The following CENPP variants were observed in gnomAD, a reference collection of about 807,000 sequenced individuals.
The protein encoded by CENPP is centromere protein P.
A neutral mutation model predicts 35.6 loss-of-function variants in CENPP; 24 were observed. The ratio of observed to expected loss-of-function variants is 0.67; its 90% CI spans 0.49 to 0.95. The LOEUF is 0.95. Ranked by LOEUF, CENPP falls within the 40% of genes least tolerant of loss-of-function variation. CENPP has a pLI of 0.00. For synonymous variants in CENPP, 120 were observed against 125.5 expected (o/e 0.96, Z 0.29); for missense variants, 332 against 345.3 (o/e 0.96, Z 0.31).
At chr9:92,546,487 C>T (rs567298823) in intron 5 of CENPP, among the ~76,000 whole-genome samples, 1 of 152,298 alleles carries the variant, frequency 6.6e-6, no homozygotes, top group South Asian at 2.1e-4. Flanking sequence ...CACGAACCCA[C>T]TGGGAGAAAA....
intron 1 of CENPP, among the ~76,000 whole-genome samples, chr9:92,328,514 T>G (rs998970521): frequency 6.6e-6 from 1 of 152,218 alleles, no homozygotes; most frequent in Admixed American, 6.5e-5. Context: ...ATACCCAAGT[T>G]TTTGGGTTGC....
intron 5 of CENPP, chr9:92,403,506 C>G: frequency 6.8e-7 from 1 of 1,470,186 alleles, no homozygotes; most frequent in Non-Finnish European, 9.0e-7. Context: ...TTCAGACCAT[C>G]GAAGCAATAT....
intron 5 of CENPP, among the ~76,000 whole-genome samples, chr9:92,436,184 C>T (rs1427953660): frequency 6.6e-6 from 1 of 152,126 alleles, no homozygotes; most frequent in African/African-American, 2.4e-5. Flanking sequence ...TTTTCATGTG[C>T]TTATTTGCTA....
intron 5 of CENPP, among the ~76,000 whole-genome samples, chr9:92,526,777 TAAAA>T (rs556343494): frequency 6.6e-6 from 1 of 151,996 alleles, no homozygotes; most frequent in Non-Finnish European, 1.5e-5. Flanking sequence ...ATTGAAGAAA[TAAAA>T]AAACTTTTTT....
chr9:92,348,263 A>G (rs1841351683), intron 4 of CENPP, among the ~76,000 whole-genome samples: 1 of 151,676 alleles, frequency 6.6e-6, no homozygotes, highest in Non-Finnish European at 1.5e-5. Context: ...CTGGCTGACA[A>G]AACGTGTTTT....
In CENPP at chr9:92,620,398, C is replaced by T. The variant is rs1190674949; in HGVS notation, c.*7249C>T. 6.6e-6 allele frequency: 1 copy of T among 152,288 alleles called. No individual in the cohort carries two copies. The highest frequency in any genetic ancestry group is 6.5e-5 in the Admixed American group (1 of 15,278). 9.4% of individuals were successfully genotyped at this position (152,288 alleles called of 1,614,324 possible). On this transcript the variant is annotated 3_prime_UTR_variant, in exon 8 of 8. Transcript: ENST00000375587. ...TGAAGGACAGGCACCACAATGCTCA[C>T]AACTGTCTCCTCTACAGAGCAGAAT... is the stretch of plus-strand genomic sequence containing the variant.
At chr9:92,432,344 A>G (rs1221460460) in intron 5 of CENPP, among the ~76,000 whole-genome samples, 20 of 152,080 alleles carry the variant, frequency 1.3e-4, no homozygotes, top group Admixed American at 1.2e-3. Flanking sequence ...AAAGGAAAAA[A>G]GAAAATGGTA....
At chr9:92,345,440 C>T (rs552180356) in intron 3 of CENPP, among the ~76,000 whole-genome samples, 2 of 148,274 alleles carry the variant, frequency 1.3e-5, no homozygotes, top group Non-Finnish European at 3.0e-5. Flanking sequence ...TGCGGTGAGC[C>T]GAGATCGCGC....
At chr9:92,463,479 T>G (rs866975621) in intron 5 of CENPP, among the ~76,000 whole-genome samples, 15 of 152,380 alleles carry the variant, frequency 9.8e-5, no homozygotes, top group East Asian at 3.9e-4. Context: ...ACTTTTAAGA[T>G]ACACTTTGAA....
intron 5 of CENPP, among the ~76,000 whole-genome samples, chr9:92,490,527 C>T (rs1173804915): frequency 2.6e-5 from 4 of 152,166 alleles, no homozygotes; most frequent in African/African-American, 9.7e-5. Flanking sequence ...CATTTTCTAT[C>T]CTTTTTCTAA....
At chr9:92,349,166 G>A (rs947544332) in intron 4 of CENPP, among the ~76,000 whole-genome samples, 4 of 152,018 alleles carry the variant, frequency 2.6e-5, no homozygotes, top group African/African-American at 9.7e-5. Context: ...TTGTGTTTCA[G>A]TTTGGATAAT....
At chr9:92,492,885 G>A (rs1846211815) in intron 5 of CENPP, among the ~76,000 whole-genome samples, 1 of 152,184 alleles carries the variant, frequency 6.6e-6, no homozygotes, top group Admixed American at 6.5e-5. Flanking sequence ...CAAGGAGGTT[G>A]GTGAGCTTGC....
intron 5 of CENPP, among the ~76,000 whole-genome samples, chr9:92,554,139 T>C (rs537354193): frequency 2.6e-5 from 4 of 152,322 alleles, no homozygotes; most frequent in African/African-American, 9.6e-5. Context: ...TTTTGTTGAA[T>C]GTTTATTCTG....
rs1408632173 is a variant in CENPP at position 92,611,462 on chromosome 9, T to TTAGAATCC, written c.644+69_644+70insTAGAATCC. On this transcript the variant is annotated intron_variant, in intron 6 of 7. Transcript: ENST00000375587. Reference sequence around the variant, plus strand: ...CAAGGATTCCAAGTAGGAGACCACCTAAGTAGGATTCTAAGTAGTAAACTA... The same window carrying TTAGAATCC: ...CAAGGATTCCAAGTAGGAGACCACCTTAGAATCCAAGTAGGATTCTAAGTAGTAAACTA... 3.2e-6 allele frequency: 4 copies of TTAGAATCC among 1,234,256 alleles called. No homozygotes were observed. In the Admixed American group the frequency reaches 8.5e-5, roughly 26 times the overall value. 76.5% of individuals were successfully genotyped at this position (1,234,256 alleles called of 1,614,324 possible).
chr9:92,585,547 A>G (rs1850520080), intron 5 of CENPP, among the ~76,000 whole-genome samples: 2 of 152,216 alleles, frequency 1.3e-5, no homozygotes, highest in Non-Finnish European at 2.9e-5. Flanking sequence ...TACTGGTTGT[A>G]TGGCAAGCTT....
At position 92,619,901 on chromosome 9, in the gene CENPP, C is replaced by A; in HGVS notation, c.*6752C>A. 1 of 340,008 alleles carries A rather than the reference C, an allele frequency of 2.9e-6. No homozygotes were observed. The allele number at this position is 340,008 out of a possible 1,614,324, so 21.1% of individuals were successfully genotyped here. On this transcript the variant is annotated 3_prime_UTR_variant, in exon 8 of 8. Coordinates refer to ENST00000375587, the MANE Select transcript of CENPP (RefSeq NM_001012267.3). Reference sequence around the variant, plus strand: ...GCCTTTGGAAGGAAAAGCAGTAAGCCACCTGAGCCCCGCATGTTGGCCACA... The same window carrying A: ...GCCTTTGGAAGGAAAAGCAGTAAGCAACCTGAGCCCCGCATGTTGGCCACA...
chr9:92,445,745 G>T (rs947383397), intron 5 of CENPP, among the ~76,000 whole-genome samples: 2 of 151,938 alleles, frequency 1.3e-5, no homozygotes, highest in African/African-American at 2.4e-5. Context: ...TTAGCTGGGC[G>T]TGTTGGTAGA....
upstream of CENPP, chr9:92,325,927 T>G (rs926052666): frequency 1.5e-6 from 2 of 1,353,674 alleles, no homozygotes; most frequent in Non-Finnish European, 1.0e-6. Flanking sequence ...GCGCGAGGCT[T>G]GAAGCGCGGG....
chr9:92,416,217 G>A (rs1450883163), intron 5 of CENPP, among the ~76,000 whole-genome samples: 5 of 150,660 alleles, frequency 3.3e-5, no homozygotes, highest in Admixed American at 2.0e-4. Context: ...CTCATGCCTC[G>A]GCCTCTTAAG....
Sources: gnomAD v4.1 joint callset for allele counts (sites outside exome capture counted in the v4.1 genomes callset) on GRCh38, gnomAD v4.1.1 for gene constraint, MANE v1.5 for transcripts, NCBI Gene and HGNC (gene_info 2026-07-23, HGNC 2026-07-21) for gene names.